The following ORC5 variants were observed in gnomAD, a reference collection of about 807,000 sequenced individuals.
The protein encoded by ORC5 is origin recognition complex subunit 5.
ORC5 carries 39 observed loss-of-function variants against 58.8 expected under a neutral mutation model. The ratio of observed to expected loss-of-function variants is 0.66; its 90% CI spans 0.51 to 0.87. The LOEUF (loss-of-function observed/expected upper bound fraction) is 0.87. ORC5 is among the 40% of genes least tolerant of loss of function. ORC5 has a pLI of 0.00. For synonymous variants in ORC5, 218 were observed against 177.6 expected (o/e 1.23, Z -1.81); for missense variants, 493 against 506.3 (o/e 0.97, Z 0.25).
At chr7:104,171,708 G>C (rs1451048280) in intron 8 of ORC5, among the ~76,000 whole-genome samples, 1 of 152,026 alleles carries the variant, frequency 6.6e-6, no homozygotes, top group Admixed American at 6.5e-5. Context: ...CAAAAAATTA[G>C]ACAGGTGTGG....
intron 8 of ORC5, among the ~76,000 whole-genome samples, chr7:104,183,367 G>A (rs1206400581): frequency 5.9e-5 from 9 of 152,210 alleles, no homozygotes; most frequent in Middle Eastern, 3.4e-3. Context: ...GGACAGCTCC[G>A]TTCTGGCACC....
Position 104,129,484 on chromosome 7 carries a change from C to G in ORC5, c.1263-2591G>C, listed in dbSNP as rs1798482731. ...ATCACTATCTCTACCATTCCTCCAC[C>G]CCCAATATAAATAGGTAACTTGCCA... On this transcript the variant is annotated intron_variant, in intron 13 of 13. Transcript: ENST00000297431. This position sits in a 1 kb window ranked among gnomAD's most constrained non-coding sequence, Gnocchi z 4.9. 6.6e-6 allele frequency among the ~76,000 whole-genome samples: 1 copy of G among 152,122 alleles called. No homozygotes were observed.
Position 104,161,075 on chromosome 7 carries a change from G to T in ORC5, c.1146C>A (p.Ser382=), listed in dbSNP as rs367846897. The T allele has an allele frequency of 6.7e-7, 1 of 1,497,974 alleles. No individual in the cohort carries two copies. Among genetic ancestry groups the T allele is most frequent in the South Asian group, 1.1e-5 (1 of 88,464 alleles). 92.8% of individuals were successfully genotyped at this position (1,497,974 alleles called of 1,614,324 possible). A position where few individuals can be genotyped will look rare whatever the true frequency, so the allele number is the denominator to read the frequency against. The change falls in exon 12 of 14, where the codon TCC becomes TCA. Residue 382 remains serine (S), a synonymous_variant. Coordinates refer to ENST00000297431, the MANE Select transcript of ORC5 (RefSeq NM_002553.4). Reference sequence around the variant, plus strand: ...AATAATCTATGATTAAGCTTACCTGGGAAAAAATATTTGCTGTTGGAGCAA... The same window carrying T: ...AATAATCTATGATTAAGCTTACCTGTGAAAAAATATTTGCTGTTGGAGCAA... ...SRVAPTANIF[S]QITSLVTLQL... is the part of the protein sequence containing the mutation.
rs7797481 is a variant in ORC5 at position 104,129,609 on chromosome 7, G to T, written c.1263-2716C>A. On this transcript the variant is annotated intron_variant, in intron 13 of 13. Coordinates refer to ENST00000297431, the MANE Select transcript of ORC5 (RefSeq NM_002553.4). The surrounding 1 kb of genome is among the most constrained non-coding windows in gnomAD (Gnocchi z 4.9). ...TGCCACACATCCGAAAGATAATTTTGTGCTTTAAAGTACTTGAAGACAAAC... is the reference window on the plus strand; with the variant it reads ...TGCCACACATCCGAAAGATAATTTTTTGCTTTAAAGTACTTGAAGACAAAC... Among the ~76,000 whole-genome samples the T allele has an allele frequency of 6.6e-6, 1 of 152,076 alleles. No individual in the cohort carries two copies. The highest frequency in any genetic ancestry group is 6.5e-5 in the Admixed American group (1 of 15,274).
intron 8 of ORC5, among the ~76,000 whole-genome samples, chr7:104,177,293 C>T (rs1335325104): frequency 6.6e-6 from 1 of 152,150 alleles, no homozygotes; most frequent in Non-Finnish European, 1.5e-5. Flanking sequence ...ATATAAATTA[C>T]TAAACATAAG....
chr7:104,152,970 C>T (rs1395502971), intron 12 of ORC5, among the ~76,000 whole-genome samples: 1 of 152,094 alleles, frequency 6.6e-6, no homozygotes, highest in East Asian at 1.9e-4. Flanking sequence ...TATACATTCA[C>T]AAAGGCAAAG....
chr7:104,156,823 A>G (rs1562810461), intron 12 of ORC5, among the ~76,000 whole-genome samples: 1 of 152,044 alleles, frequency 6.6e-6, no homozygotes, highest in East Asian at 1.9e-4. Context: ...ACACACATAC[A>G]TGTTTATAAT....
chr7:104,181,028 T>TA (rs1350013268), intron 8 of ORC5, among the ~76,000 whole-genome samples: 1 of 152,188 alleles, frequency 6.6e-6, no homozygotes, highest in African/African-American at 2.4e-5. Context: ...TCTAGTAACT[T>TA]AAAGATCAAT....
In ORC5 at chr7:104,126,678, T is replaced by C. The variant is rs1798433906; in HGVS notation, c.*170A>G. 1 of 545,682 alleles carries C rather than the reference T, an allele frequency of 1.8e-6. No homozygotes were observed. The highest frequency in any genetic ancestry group is 3.2e-6 in the Non-Finnish European group (1 of 309,450). The allele number at this position is 545,682 out of a possible 1,614,324, so 33.8% of individuals were successfully genotyped here. On this transcript the variant is annotated 3_prime_UTR_variant, in exon 14 of 14. Coordinates refer to ENST00000297431, the MANE Select transcript of ORC5 (RefSeq NM_002553.4). ...CCTGGTAAATAGTCTTCTGCTCACATCCACCCAGACCAATCAGAATATTTT... is the reference window on the plus strand; with the variant it reads ...CCTGGTAAATAGTCTTCTGCTCACACCCACCCAGACCAATCAGAATATTTT...
intron 8 of ORC5, among the ~76,000 whole-genome samples, chr7:104,177,898 A>C (rs894572413): frequency 7.9e-5 from 12 of 152,218 alleles, no homozygotes; most frequent in Non-Finnish European, 1.6e-4. Context: ...AAAGGACATG[A>C]ACTCATCCTT....
rs749682293 is a variant in ORC5 at position 104,200,764 on chromosome 7, T to C, written c.360A>G (p.Val120=). The C allele has an allele frequency of 1.8e-5, 29 of 1,568,300 alleles. No individual in the cohort carries two copies. Among genetic ancestry groups the C allele is most frequent in the African/African-American group, 2.7e-5 (2 of 74,020 alleles). ...ATCAAATGAAATTACTTACAATATA[T>C]ACAGTCTGATCTTTAAGATTTTCAG... is the stretch of plus-strand genomic sequence containing the variant. ...TTAENLKDQT[V]YIVLDKAEYL... Residue 120 remains valine (V), a synonymous_variant, in exon 3 of 14, where the codon GTA becomes GTG. Coordinates refer to ENST00000297431, the MANE Select transcript of ORC5 (RefSeq NM_002553.4).
At chr7:104,181,099 A>G (rs1250832218) in intron 8 of ORC5, among the ~76,000 whole-genome samples, 2 of 152,200 alleles carry the variant, frequency 1.3e-5, no homozygotes, top group Non-Finnish European at 2.9e-5. Context: ...GAAACTGCTA[A>G]TCAAGATCAA....
chr7:104,202,129 A>G (rs1799960841), intron 2 of ORC5, among the ~76,000 whole-genome samples: 1 of 152,160 alleles, frequency 6.6e-6, no homozygotes, highest in African/African-American at 2.4e-5. Context: ...CTTCATTTAA[A>G]AAACTATCAA....
intron 9 of ORC5, among the ~76,000 whole-genome samples, chr7:104,167,278 T>C (rs1235453481): frequency 6.6e-6 from 1 of 151,560 alleles, no homozygotes; most frequent in Non-Finnish European, 1.5e-5. Flanking sequence ...ACAGGTTGAG[T>C]ATACTTTATC....
intron 8 of ORC5, among the ~76,000 whole-genome samples, chr7:104,171,844 G>C (rs1171974503): frequency 6.6e-6 from 1 of 151,976 alleles, no homozygotes; most frequent in East Asian, 1.9e-4. Flanking sequence ...GAGACAATGG[G>C]ACCCTGTCTC....
intron 1 of ORC5, among the ~76,000 whole-genome samples, chr7:104,204,802 G>A (rs17386465): frequency 0.014 from 2,159 of 152,252 alleles, 56 homozygotes; most frequent in South Asian, 0.12. Context: ...AATCTGCATA[G>A]CATTTATTTT....
rs543527754 is a variant in ORC5, at chr7:104,193,732, C to A, written c.553+1411G>T. On this transcript the variant is annotated intron_variant, in intron 5 of 13. Transcript: ENST00000297431. ...AGTGTTTTTGCTTAAAAAAAAAAAA[C>A]AAAACTGAATATGTAAAACCCCCTA... 2.7e-4 allele frequency among the ~76,000 whole-genome samples: 34 copies of A among 127,098 alleles called. No individual in the cohort carries two copies. In the South Asian group the frequency reaches 3.2e-3, roughly 12 times the overall value. 83.4% of individuals were successfully genotyped at this position (127,098 alleles called of 152,430 possible).
chr7:104,148,469 CA>C (rs1798795719), intron 12 of ORC5, among the ~76,000 whole-genome samples: 1 of 152,066 alleles, frequency 6.6e-6, no homozygotes, highest in Non-Finnish European at 1.5e-5. Context: ...GCAAGTAAAA[CA>C]GAGAAAAAGC....
intron 5 of ORC5, among the ~76,000 whole-genome samples, chr7:104,190,486 T>C (rs1021627606): frequency 2.2e-4 from 33 of 152,286 alleles, no homozygotes; most frequent in African/African-American, 7.9e-4. Context: ...TCTACTTCTA[T>C]TATATCTCAG....
Sources: allele counts gnomAD v4.1 joint callset (sites outside exome capture counted in the v4.1 genomes callset), GRCh38; gene constraint gnomAD v4.1.1; non-coding constraint Gnocchi (gnomAD v3.1); transcripts MANE v1.5; gene names NCBI Gene and HGNC (gene_info 2026-07-23, HGNC 2026-07-21).